The following TRMU variants were observed in gnomAD, a reference collection of about 807,000 sequenced individuals.
TRMU encodes the protein mitochondrial tRNA-specific 2-thiouridylase 1.
Under a neutral mutation model 46.9 loss-of-function variants are expected in TRMU, and 49 were observed. That is an observed-to-expected ratio of 1.05 (90% CI 0.83 to 1.33). The LOEUF is 1.33. TRMU is among the 40% of genes most tolerant of loss of function. The probability of loss-of-function intolerance (pLI) is 0.00; values close to 1 mark genes in which losing one functional copy is unlikely to be tolerated. For missense variants in TRMU, 572 were observed against 532.4 expected, an observed-to-expected ratio of 1.07 and a Z score of -0.73; for synonymous variants, 241 against 200.9, an observed-to-expected ratio of 1.20 and a Z score of -1.69.
At chr22:46,345,211 C>T (rs371943540) in intron 3 of TRMU, among the ~76,000 whole-genome samples, 26 of 152,276 alleles carry the variant, frequency 1.7e-4, no homozygotes, top group Non-Finnish European at 3.4e-4. Context: ...GCTGGGATTA[C>T]AGGTGCCCAC....
At position 46,351,618 on chromosome 22, in the gene TRMU, C is replaced by T; in HGVS notation, c.652-503C>T. On this transcript the variant is annotated intron_variant, in intron 5 of 10. Transcript: ENST00000645190. The surrounding 1 kb of genome is among the most constrained non-coding windows in gnomAD (Gnocchi z 6.4). The stretch of plus-strand genomic sequence containing the variant: ...GAAGGGCAGTCTTGAGAGACACAAA[C>T]CAGAGTAAACGATGCAGCCCCTGAT... The T allele has an allele frequency of 4.2e-6, 1 of 236,858 alleles. No homozygotes were observed. Among genetic ancestry groups the T allele is most frequent in the East Asian group, 1.0e-4 (1 of 10,020 alleles). 14.7% of individuals were successfully genotyped at this position (236,858 alleles called of 1,614,324 possible).
intron 8 of TRMU, 29 bp from the exon 9 acceptor site, chr22:46,355,415 C>T (rs372224194): frequency 3.1e-6 from 5 of 1,609,584 alleles, no homozygotes; most frequent in South Asian, 2.2e-5. Context: ...TGCCCCTCGG[C>T]GTCCCCACCT....
Position 46,350,585 on chromosome 22 carries a change from G to C in TRMU, c.651+122G>C. The C allele has an allele frequency of 8.0e-7, 1 of 1,248,050 alleles. No homozygotes were observed. 77.3% of individuals were successfully genotyped at this position (1,248,050 alleles called of 1,614,324 possible). On this transcript the variant is annotated intron_variant, in intron 5 of 10. Coordinates refer to ENST00000645190, the MANE Select transcript of TRMU (RefSeq NM_018006.5). This position sits in a 1 kb window ranked among gnomAD's most constrained non-coding sequence, Gnocchi z 4.6. ...TTCTCCAGGACCTAACATCAAAGGC[G>C]GGCCTTGGAGCAATAGATGGAGGAG...
chr22:46,355,318 G>T, intron 8 of TRMU, 126 bp from the exon 9 acceptor site: 1 of 1,402,822 alleles, frequency 7.1e-7, no homozygotes, highest in East Asian at 2.5e-5. Context: ...AACACTTCGA[G>T]CGGTGCCAGC....
rs769547217 is a variant in TRMU at position 46,339,253 on chromosome 22, G to A, written c.248+1309G>A. Among the ~76,000 whole-genome samples, 1 of 152,118 alleles carries A rather than the reference G, an allele frequency of 6.6e-6. No homozygotes were observed. Among genetic ancestry groups the A allele is most frequent in the Non-Finnish European group, 1.5e-5 (1 of 68,022 alleles). ...CAACATCTGCCTCCCAGGTTCAAGC[G>A]ATTCTCATGCCTCAGCCTCCCAAGT... is the stretch of plus-strand genomic sequence containing the variant. On this transcript the variant is annotated intron_variant, in intron 2 of 10. Coordinates refer to ENST00000645190, the MANE Select transcript of TRMU (RefSeq NM_018006.5). This position sits in a 1 kb window ranked among gnomAD's most constrained non-coding sequence, Gnocchi z 4.8.
In TRMU at chr22:46,349,429, T is replaced by G. The variant is rs926481850; in HGVS notation, c.479-862T>G. The stretch of plus-strand genomic sequence containing the variant: ...GATGGAAAACACTAGCTACGCAGAG[T>G]GTGTACTGTACACGTGGCTCTGCCA... On this transcript the variant is annotated intron_variant, in intron 4 of 10. Coordinates refer to ENST00000645190, the MANE Select transcript of TRMU (RefSeq NM_018006.5). The surrounding 1 kb of genome is among the most constrained non-coding windows in gnomAD (Gnocchi z 4.6). Among the ~76,000 whole-genome samples, 2 of 152,152 alleles carry G rather than the reference T, an allele frequency of 1.3e-5. No individual in the cohort carries two copies. The highest frequency in any genetic ancestry group is 2.9e-5 in the Non-Finnish European group (2 of 68,028).
chr22:46,355,444 GC>G lies in TRMU; in HGVS notation c.880del (p.Arg294GlyfsTer12), dbSNP rs1490906786. ...CCCACCTTCACATTCCATTCTGCAG[GC>G]CCCCCGGACAGACCACCCAGCCCTG... ...KDSVKGDVFV[A>X]PRTDHPALYR... is the part of the protein sequence containing the mutation. On this transcript the variant is annotated frameshift_variant and splice_region_variant, in exon 9 of 11. Transcript: ENST00000645190. LOFTEE classifies it high-confidence loss of function. 1.9e-6 allele frequency: 3 copies of G among 1,612,280 alleles called. No individual in the cohort carries two copies. The highest frequency in any genetic ancestry group is 1.7e-4 in the Middle Eastern group (1 of 6,048).
chr22:46,355,959 C>T (rs1376447792), intron 9 of TRMU, 31 bp from the exon 10 acceptor site: 1 of 1,611,324 alleles, frequency 6.2e-7, no homozygotes, highest in Non-Finnish European at 8.5e-7. Flanking sequence ...AAGGCCTGTG[C>T]CCCCTCCAAG....
rs2078041506 is a variant in TRMU at position 46,338,623 on chromosome 22, A to G, written c.248+679A>G. Among the ~76,000 whole-genome samples, 1 of 152,220 alleles carries G rather than the reference A, an allele frequency of 6.6e-6. No homozygotes were observed. The highest frequency in any genetic ancestry group is 1.5e-5 in the Non-Finnish European group (1 of 68,032). On this transcript the variant is annotated intron_variant, in intron 2 of 10. Coordinates refer to ENST00000645190, the MANE Select transcript of TRMU (RefSeq NM_018006.5). This position sits in a 1 kb window ranked among gnomAD's most constrained non-coding sequence, Gnocchi z 4.5. ...AATCAAGAAGGCTTCACCGGAGAGGAGGGGTTGCAAACAAAGTTGTAGAGA... is the reference window on the plus strand; with the variant it reads ...AATCAAGAAGGCTTCACCGGAGAGGGGGGGTTGCAAACAAAGTTGTAGAGA...
chr22:46,337,912 C>G lies in TRMU; in HGVS notation c.216C>G (p.Ser72=). 6.2e-7 allele frequency: 1 copy of G among 1,614,166 alleles called. No homozygotes were observed. The highest frequency in any genetic ancestry group is 1.1e-5 in the South Asian group (1 of 91,086). The change falls in exon 2 of 11, where the codon TCC becomes TCG. Residue 72 remains serine, a synonymous_variant. Transcript: ENST00000645190. ...QILDIPFHQV[S]YVKEYWNDVF... The stretch of plus-strand genomic sequence containing the variant: ...TAGACATCCCTTTCCATCAAGTGTC[C>G]TACGTAAAGGAGTATTGGAATGATG...
rs962925152 is a variant in TRMU at position 46,351,845 on chromosome 22, G to A, written c.652-276G>A. Reference sequence around the variant, plus strand: ...GGACAGTGGCCTGAAGGACCTGACCGGGTTCTGCTTTCTTCCCCGGGGCAG... The same window carrying A: ...GGACAGTGGCCTGAAGGACCTGACCAGGTTCTGCTTTCTTCCCCGGGGCAG... On this transcript the variant is annotated intron_variant, in intron 5 of 10. Transcript: ENST00000645190. This position sits in a 1 kb window ranked among gnomAD's most constrained non-coding sequence, Gnocchi z 6.4. 18 of 543,632 alleles carry A rather than the reference G, an allele frequency of 3.3e-5. No individual in the cohort carries two copies. The highest frequency in any genetic ancestry group is 1.3e-4 in the South Asian group (7 of 52,054). 33.7% of individuals were successfully genotyped at this position (543,632 alleles called of 1,614,324 possible). A position where few individuals can be genotyped will look rare whatever the true frequency, so the allele number is the denominator to read the frequency against.
Position 46,346,461 on chromosome 22 carries a change from C to G in TRMU, c.395C>G (p.Ser132Cys), listed in dbSNP as rs2078260410. Residue 132 changes from serine (S) to cysteine (C), a missense_variant, in exon 4 of 11, where the codon TCC becomes TGC. By Grantham distance (112) the Ser-to-Cys change is moderately radical. Coordinates refer to ENST00000645190, the MANE Select transcript of TRMU (RefSeq NM_018006.5). The part of the protein sequence containing the change: ...AIATGHYART[S>C]LEDEEVFEQK... ...GCCACAGGTCACTATGCAAGAACTT[C>G]CCTGGAAGATGAAGAAGTCTTTGAG... 6.2e-7 allele frequency: 1 copy of G among 1,613,682 alleles called. No individual in the cohort carries two copies. Among genetic ancestry groups the G allele is most frequent in the East Asian group, 2.2e-5 (1 of 44,872 alleles).
intron 3 of TRMU, among the ~76,000 whole-genome samples, chr22:46,344,715 C>G (rs1001998897): frequency 2.0e-5 from 3 of 152,210 alleles, no homozygotes; most frequent in African/African-American, 7.2e-5. Context: ...AAGGCATGAA[C>G]CGTGCAGCAC....
At position 46,342,375 on chromosome 22, in the gene TRMU, A is replaced by G; in HGVS notation, c.249-887A>G. Reference sequence around the variant, plus strand: ...ATGGGGAAAGGGTCATGGAGTGTCCACACCCTCCCTGGGGACCACCCTCCA... The same window carrying G: ...ATGGGGAAAGGGTCATGGAGTGTCCGCACCCTCCCTGGGGACCACCCTCCA... On this transcript the variant is annotated intron_variant, in intron 2 of 10. Coordinates refer to ENST00000645190, the MANE Select transcript of TRMU (RefSeq NM_018006.5). The surrounding 1 kb of genome is among the most constrained non-coding windows in gnomAD (Gnocchi z 4.7). Among the ~76,000 whole-genome samples the G allele has an allele frequency of 6.6e-6, 1 of 152,186 alleles. No homozygotes were observed. Among genetic ancestry groups the G allele is most frequent in the East Asian group, 1.9e-4 (1 of 5,196 alleles).
chr22:46,349,740 C>T lies in TRMU; in HGVS notation c.479-551C>T, dbSNP rs529407135. On this transcript the variant is annotated intron_variant, in intron 4 of 10. Transcript: ENST00000645190. The surrounding 1 kb of genome is among the most constrained non-coding windows in gnomAD (Gnocchi z 4.6). ...GTCACCTAACAGATGTCAGCTGAGA[C>T]TCTCAACAAAAAAACGTTTTTACCA... Among the ~76,000 whole-genome samples, 142 of 152,284 alleles carry T rather than the reference C, an allele frequency of 9.3e-4. No homozygotes were observed. Among genetic ancestry groups the T allele is most frequent in the Non-Finnish European group, 1.8e-3 (124 of 68,006 alleles).
chr22:46,352,489 A>T, intron 7 of TRMU, 159 bp downstream of exon 7: 1 of 779,898 alleles, frequency 1.3e-6, no homozygotes, highest in African/African-American at 1.7e-5. Flanking sequence ...CCTAGGGTGG[A>T]ACAGTTGCCT....
rs528079557 is a variant in TRMU at position 46,356,501 on chromosome 22, C to T, written c.1102-341C>T. On this transcript the variant is annotated intron_variant, in intron 10 of 10. Transcript: ENST00000645190. Reference sequence around the variant, plus strand: ...GGGAGGGAACCTGGGGTGAGGGAAGCGGAAGCATCCTCTGGCTGCCACCAT... The same window carrying T: ...GGGAGGGAACCTGGGGTGAGGGAAGTGGAAGCATCCTCTGGCTGCCACCAT... 4.7e-5 allele frequency: 20 copies of T among 429,864 alleles called. 1 individual carries two copies. Among genetic ancestry groups the T allele is most frequent in the South Asian group, 2.5e-4 (9 of 36,582 alleles). 26.6% of individuals were successfully genotyped at this position (429,864 alleles called of 1,614,324 possible).
At chr22:46,337,126 T>A (rs574734965) in intron 1 of TRMU, among the ~76,000 whole-genome samples, 4 of 152,268 alleles carry the variant, frequency 2.6e-5, no homozygotes, top group East Asian at 3.9e-4. Flanking sequence ...TTTCTGTTGT[T>A]TTGGGTACTA....
intron 3 of TRMU, 93 bp downstream of exon 3, chr22:46,343,461 C>T: frequency 1.1e-6 from 1 of 949,994 alleles, no homozygotes. Flanking sequence ...TCATGACTCA[C>T]TGCAGCCTCG....
Sources: gnomAD v4.1 joint callset for allele counts (sites outside exome capture counted in the v4.1 genomes callset) on GRCh38, gnomAD v4.1.1 for gene constraint, Gnocchi (gnomAD v3.1) non-coding constraint, MANE v1.5 for transcripts, NCBI Gene and HGNC (gene_info 2026-07-23, HGNC 2026-07-21) for gene names.